The following KRT76 variants were observed in gnomAD, a reference collection of about 807,000 sequenced individuals.
The protein encoded by KRT76 is keratin 76.
In KRT76, 47 loss-of-function variants were observed where a neutral mutation model predicts 44.9. The ratio of observed to expected loss-of-function variants is 1.05; its 90% CI spans 0.83 to 1.33. KRT76 has a LOEUF of 1.33. KRT76 is among the 40% of genes most tolerant of loss of function. The pLI, the probability that KRT76 is intolerant of heterozygous loss-of-function variation, is 0.00. For synonymous variants in KRT76, 331 were observed against 294.1 expected, an observed-to-expected ratio of 1.13 and a Z score of -1.28; for missense variants, 860 against 775.8, an observed-to-expected ratio of 1.11 and a Z score of -1.29.
At chr12:52,775,242 C>T (rs182780502) in intron 2 of KRT76, 146 bp downstream of exon 2, 1 of 725,232 alleles carries the variant, frequency 1.4e-6, no homozygotes. Context: ...CCCTTTCACC[C>T]CCTTCTGCTT....
At chr12:52,769,151 G>A (rs1414004730) in intron 8 of KRT76, 41 bp from the exon 9 acceptor site, 1 of 663,092 alleles carries the variant, frequency 1.5e-6, no homozygotes, top group South Asian at 1.7e-5. Context: ...AAGGGCCTGG[G>A]AAACTGGAAG....
Position 52,768,618 on chromosome 12 carries a change from G to T in KRT76, c.*95C>A. On this transcript the variant is annotated 3_prime_UTR_variant, in exon 9 of 9. Coordinates refer to ENST00000332411, the MANE Select transcript of KRT76 (RefSeq NM_015848.4). ...AGGGAACTTGAGGAAAAATGTGGTT[G>T]ACCCTTATGCATCTATTGATGCCAA... 7.2e-7 allele frequency: 1 copy of T among 1,389,436 alleles called. No individual in the cohort carries two copies. Among genetic ancestry groups the T allele is most frequent in the South Asian group, 1.4e-5 (1 of 70,178 alleles). The allele number at this position is 1,389,436 out of a possible 1,614,324, so 86.1% of individuals were successfully genotyped here.
intron 1 of KRT76, 31 bp from the exon 2 acceptor site, chr12:52,775,633 C>A (rs772638016): frequency 1.9e-6 from 3 of 1,591,448 alleles, no homozygotes; most frequent in South Asian, 2.2e-5. Flanking sequence ...AAGGAGTCAG[C>A]CCCTTGAGTT....
chr12:52,772,324 T>G, intron 4 of KRT76, 66 bp from the exon 5 acceptor site: 1 of 1,454,648 alleles, frequency 6.9e-7, no homozygotes, highest in Non-Finnish European at 9.3e-7. Flanking sequence ...AATCCTCTAC[T>G]AGCGGAGATA....
At chr12:52,773,674 T>C (rs752621496) in intron 2 of KRT76, 32 bp from the exon 3 acceptor site, 18 of 1,586,070 alleles carry the variant, frequency 1.1e-5, no homozygotes, top group Non-Finnish European at 1.5e-5. Context: ...ATTTGAACAC[T>C]GGCATTTCAG....
At chr12:52,773,716 C>G in intron 2 of KRT76, 74 bp from the exon 3 acceptor site, 3 of 1,242,940 alleles carry the variant, frequency 2.4e-6, no homozygotes, top group South Asian at 1.3e-5. Flanking sequence ...ATTCCAGGCA[C>G]TCTCCTCACC....
Position 52,771,155 on chromosome 12 carries a change from G to T in KRT76, c.1328C>A (p.Ala443Asp). ...CTGCAAGTCTTGGAGCTTGGCATTG[G>T]CGTCCTTGAGGGCCATCTCTCCACG... is the stretch of plus-strand genomic sequence containing the variant. ...EQRGEMALKD[A>D]NAKLQDLQTA... The change falls in exon 7 of 9, where the codon GCC becomes GAC. Residue 443 changes from alanine (A) to aspartate (D), a missense_variant. Transcript: ENST00000332411. 6.2e-7 allele frequency: 1 copy of T among 1,614,130 alleles called. No individual in the cohort carries two copies. The highest frequency in any genetic ancestry group is 8.5e-7 in the Non-Finnish European group (1 of 1,180,026).
Position 52,772,812 on chromosome 12 carries a change from CTT to C in KRT76, c.941_942del (p.Glu314GlyfsTer9). 1 of 1,614,056 alleles carries C rather than the reference CTT, an allele frequency of 6.2e-7. No homozygotes were observed. The highest frequency in any genetic ancestry group is 8.5e-7 in the Non-Finnish European group (1 of 1,179,888). ...TCATAGAGGGTCCTCAGGAAGCTGA[CTT>C]CATCTGTCAGGCTGTCCACTTTGGC... The part of the protein sequence containing the change: ...LQAKVDSLTD[E>X]VSFLRTLYEM... On this transcript the variant is annotated frameshift_variant, in exon 4 of 9. Transcript: ENST00000332411. LOFTEE classifies it high-confidence loss of function.
chr12:52,772,235 A>G lies in KRT76; in HGVS notation c.996T>C (p.His332=), dbSNP rs1254422176. The G allele has an allele frequency of 1.2e-6, 2 of 1,605,186 alleles. No homozygotes were observed. Among genetic ancestry groups the G allele is most frequent in the East Asian group, 4.5e-5 (2 of 44,822 alleles). ...ACAGAACCACAGACGTGTCACTGGC[A>G]TGGCTTTGCATCTGGGACAGCTCCT... The part of the protein sequence containing the change: ...YEMELSQMQS[H]ASDTSVVLSM... The change falls in exon 5 of 9, where the codon CAT becomes CAC. Residue 332 remains histidine, a synonymous_variant. Transcript: ENST00000332411.
At chr12:52,775,811 G>A (rs143061240) in intron 1 of KRT76, among the ~76,000 whole-genome samples, 18 of 152,188 alleles carry the variant, frequency 1.2e-4, no homozygotes, top group Admixed American at 7.8e-4. Context: ...ATGTATTTCC[G>A]TCACATTTAA....
In KRT76 at chr12:52,776,970, C is replaced by A. The variant is rs770268869; in HGVS notation, c.322G>T (p.Gly108Cys). The A allele has an allele frequency of 1.9e-6, 3 of 1,613,994 alleles. No homozygotes were observed. In the Admixed American group the frequency reaches 5.0e-5, roughly 27 times the overall value. ...FGGSYGGGFG[G>C]GRGVGSGFGG... ...AAACCACTACCTACTCCTCTGCCAC[C>A]ACCAAAGCCACCACCATAGCTGCCC... Residue 108 changes from glycine (G) to cysteine (C), a missense_variant, in exon 1 of 9, where the codon GGT becomes TGT. By Grantham distance (159) the Gly-to-Cys change is radical (BLOSUM62 -3). Coordinates refer to ENST00000332411, the MANE Select transcript of KRT76 (RefSeq NM_015848.4).
rs1448647418 is a variant in KRT76 at position 52,771,209 on chromosome 12, A to G, written c.1274T>C (p.Leu425Pro). Residue 425 changes from leucine (L) to proline (P), a missense_variant, in exon 7 of 9, where the codon CTG becomes CCG. Coordinates refer to ENST00000332411, the MANE Select transcript of KRT76 (RefSeq NM_015848.4). Reference protein sequence around the residue: ...IENVKKQNANLQTAIAEAEQR... With the variant: ...IENVKKQNANPQTAIAEAEQR... ...CTCAGCCTCTGCAATTGCCGTCTGC[A>G]GGTTGGCATTCTGAGGTAGAAAATC... The G allele has an allele frequency of 6.2e-7, 1 of 1,614,168 alleles. No individual in the cohort carries two copies. The highest frequency in any genetic ancestry group is 8.5e-7 in the Non-Finnish European group (1 of 1,180,044).
Position 52,768,630 on chromosome 12 carries a change from T to C in KRT76, c.*83A>G. The C allele has an allele frequency of 4.1e-6, 6 of 1,468,748 alleles. No individual in the cohort carries two copies. Among genetic ancestry groups the C allele is most frequent in the Non-Finnish European group, 5.5e-6 (6 of 1,085,592 alleles). The allele number at this position is 1,468,748 out of a possible 1,614,324, so 91.0% of individuals were successfully genotyped here. On this transcript the variant is annotated 3_prime_UTR_variant, in exon 9 of 9. Coordinates refer to ENST00000332411, the MANE Select transcript of KRT76 (RefSeq NM_015848.4). ...GAAAAATGTGGTTGACCCTTATGCA[T>C]CTATTGATGCCAAGCAGAGAGTGGG...
intron 1 of KRT76, 39 bp from the exon 2 acceptor site, chr12:52,775,641 G>T (rs1487783033): frequency 1.3e-6 from 2 of 1,559,390 alleles, no homozygotes; most frequent in Non-Finnish European, 1.8e-6. Context: ...AGCCCCTTGA[G>T]TTGGGCATGT....
intron 6 of KRT76, among the ~76,000 whole-genome samples, chr12:52,771,521 T>C (rs929185632): frequency 6.6e-6 from 1 of 152,222 alleles, no homozygotes; most frequent in African/African-American, 2.4e-5. Flanking sequence ...TCTTGCCTAA[T>C]CACTTCATTC....
At chr12:52,772,647 T>C (rs1464589209) in intron 4 of KRT76, 136 bp downstream of exon 4, 1 of 709,694 alleles carries the variant, frequency 1.4e-6, no homozygotes. Context: ...CAGTTAACAT[T>C]TCCCAGGTGG....
chr12:52,772,759 G>A (rs1407676519), intron 4 of KRT76, 24 bp downstream of exon 4: 1 of 1,505,466 alleles, frequency 6.6e-7, no homozygotes, highest in Non-Finnish European at 9.2e-7. Flanking sequence ...GGAAGGTTCT[G>A]CAGCTTGCAA....
At chr12:52,775,888 A>G (rs1243311770) in intron 1 of KRT76, among the ~76,000 whole-genome samples, 2 of 152,124 alleles carry the variant, frequency 1.3e-5, no homozygotes, top group Non-Finnish European at 2.9e-5. Context: ...CTGAGACTCA[A>G]AGAGTTTAAG....
Position 52,771,899 on chromosome 12 carries a change from C to A in KRT76, c.1235G>T (p.Arg412Leu). ...CTTCTTGACATTTTCAATCTCAGCC[C>A]GTAGCCTCTGGATCATCCTGTTGAG... Reference protein sequence around the residue: ...MELNRMIQRLRAEIENVKKQN... With the variant: ...MELNRMIQRLLAEIENVKKQN... The change falls in exon 6 of 9, where the codon CGG becomes CTG. Residue 412 changes from arginine (R) to leucine (L), a missense_variant. Coordinates refer to ENST00000332411, the MANE Select transcript of KRT76 (RefSeq NM_015848.4). 1.9e-6 allele frequency: 3 copies of A among 1,614,036 alleles called. No homozygotes were observed. Among genetic ancestry groups the A allele is most frequent in the Non-Finnish European group, 2.5e-6 (3 of 1,179,950 alleles).
Sources: gnomAD v4.1 joint callset for allele counts (sites outside exome capture counted in the v4.1 genomes callset) on GRCh38, gnomAD v4.1.1 for gene constraint, MANE v1.5 for transcripts, NCBI Gene and HGNC (gene_info 2026-07-23, HGNC 2026-07-21) for gene names.